Variants in ATP2B3 observed in about 807,000 individuals in gnomAD.
The protein encoded by ATP2B3 is ATPase plasma membrane Ca2+ transporting 3, also known as plasma membrane calcium-transporting ATPase 3.
ATP2B3 carries 12 observed loss-of-function variants against 70.8 expected under a neutral mutation model. The ratio of observed to expected loss-of-function variants is 0.17; its 90% CI spans 0.11 to 0.27. The LOEUF (loss-of-function observed/expected upper bound fraction) is 0.27. Ranked by LOEUF, ATP2B3 falls within the 10% of genes least tolerant of loss-of-function variation. The probability of loss-of-function intolerance (pLI) is 1.00; values close to 1 mark genes in which losing one functional copy is unlikely to be tolerated. For missense variants in ATP2B3, 858 were observed against 1,118.5 expected, an observed-to-expected ratio of 0.77 and a Z score of 3.32; for synonymous variants, 460 against 497.8, an observed-to-expected ratio of 0.92 and a Z score of 1.01.
chrX:153,546,222 G>T (rs781809294), intron 8 of ATP2B3, 93 bp downstream of exon 8: 4 of 1,044,698 alleles, frequency 3.8e-6, no homozygotes, highest in Non-Finnish European at 5.3e-6. Context: ...CACCTGCCTC[G>T]GTGGCAGGAG....
chrX:153,547,465 A>C (rs2090386098), intron 8 of ATP2B3, among the ~76,000 whole-genome samples: 1 of 111,143 alleles, frequency 9.0e-6, no homozygotes, highest in African/African-American at 3.3e-5. Context: ...CAGTAAGCAG[A>C]TGAGTCAGCT....
intron 16 of ATP2B3, 42 bp downstream of exon 16, chrX:153,557,065 G>T (rs782007490): frequency 1.8e-6 from 2 of 1,093,659 alleles, no homozygotes; most frequent in Non-Finnish European, 2.5e-6. Flanking sequence ...CGGCAGATGG[G>T]GCCTGCATCT....
At chrX:153,525,640 G>C (rs1159586394) in intron 2 of ATP2B3, among the ~76,000 whole-genome samples, 23 of 112,456 alleles carry the variant, frequency 2.0e-4, no homozygotes, top group Non-Finnish European at 1.9e-4. Flanking sequence ...GGCTCCTCTG[G>C]CTCCTGGGGT....
chrX:153,561,105 C>T lies in ATP2B3; in HGVS notation c.3051+218C>T, dbSNP rs553952705. 4.1e-4 allele frequency among the ~76,000 whole-genome samples: 46 copies of T among 112,264 alleles called. No individual in the cohort carries two copies. The South Asian group carries it at 0.015, about 36-fold the overall frequency. On this transcript the variant is annotated intron_variant, in intron 19 of 21. Transcript: ENST00000263519. ...TTGCCGGCCTTGCCCTGGGTGAGCGCGCTGGCTTCCAGAAGGGTTTCGTGA... is the reference window on the plus strand; with the variant it reads ...TTGCCGGCCTTGCCCTGGGTGAGCGTGCTGGCTTCCAGAAGGGTTTCGTGA...
At chrX:153,541,020 C>T (rs982788937) in intron 3 of ATP2B3, among the ~76,000 whole-genome samples, 1 of 112,486 alleles carries the variant, frequency 8.9e-6, no homozygotes, top group African/African-American at 3.2e-5. Flanking sequence ...GCCCCCTCAG[C>T]GGTAGTGTGG....
chrX:153,579,999 C>G lies in ATP2B3; in HGVS notation c.3364C>G (p.Arg1122Gly), dbSNP rs782589482. The G allele has an allele frequency of 4.1e-6, 5 of 1,207,510 alleles. No homozygotes were observed. The highest frequency in any genetic ancestry group is 5.6e-6 in the Non-Finnish European group (5 of 891,956). Reference protein sequence around the residue: ...QTQIRVVKAFRSSLYEGLEKP... With the variant: ...QTQIRVVKAFGSSLYEGLEKP... ...CCAGATCCGGGTGGTGAAAGCGTTC[C>G]GTAGCTCGCTCTATGAAGGCCTGGA... The change falls in exon 22 of 22, where the codon CGT becomes GGT. Residue 1122 changes from arginine (R) to glycine (G), a missense_variant. Arg to Gly is a moderately radical substitution (Grantham distance 125). This residue lies in a region of ATP2B3 where 265 missense variants were observed against 305.3 expected (regional missense o/e 0.87). Coordinates refer to ENST00000263519, the MANE Select transcript of ATP2B3 (RefSeq NM_001001344.3).
intron 13 of ATP2B3, among the ~76,000 whole-genome samples, chrX:153,555,170 G>A (rs781903997): frequency 8.1e-5 from 9 of 111,150 alleles, no homozygotes; most frequent in Non-Finnish European, 1.5e-4. Flanking sequence ...CCCTGTCACA[G>A]CTTAGAGTGG....
intron 21 of ATP2B3, chrX:153,569,639 G>A: frequency 8.3e-7 from 1 of 1,211,649 alleles, no homozygotes; most frequent in Non-Finnish European, 1.1e-6. Flanking sequence ...AAGCGGTTCA[G>A]TTCAGGGTGC....
At chrX:153,567,030 G>A (rs1045920714) in intron 21 of ATP2B3, among the ~76,000 whole-genome samples, 3 of 112,609 alleles carry the variant, frequency 2.7e-5, no homozygotes, top group Non-Finnish European at 5.6e-5. Context: ...CCTAGGCACC[G>A]AACACAGCGT....
At chrX:153,568,166 G>A (rs2090737955) in intron 21 of ATP2B3, among the ~76,000 whole-genome samples, 1 of 111,814 alleles carries the variant, frequency 8.9e-6, no homozygotes, top group Admixed American at 9.4e-5. Flanking sequence ...AGATGGACAG[G>A]GTGTCATTCC....
At chrX:153,539,928 A>C (rs916538875) in intron 3 of ATP2B3, among the ~76,000 whole-genome samples, 1 of 113,207 alleles carries the variant, frequency 8.8e-6, no homozygotes, top group Non-Finnish European at 1.9e-5. Context: ...GACAAGTGAC[A>C]GAATTGGATA....
chrX:153,533,146 G>A (rs1342262886), intron 2 of ATP2B3: 1 of 111,540 alleles, frequency 9.0e-6, no homozygotes, highest in Non-Finnish European at 1.9e-5. Flanking sequence ...GGCCACATGC[G>A]GGACTGACCA....
intron 2 of ATP2B3, among the ~76,000 whole-genome samples, chrX:153,531,742 C>T (rs887459161): frequency 8.0e-5 from 9 of 112,902 alleles, no homozygotes; most frequent in African/African-American, 2.6e-4. Flanking sequence ...GGAGCTGGGA[C>T]TTCCTGGCAG....
rs1557015358 is a variant in ATP2B3 at position 153,559,726 on chromosome X, T to C, written c.2626-3T>C. ...TGGAAAGGTGACTGCCTCCTCTCCA[T>C]AGGACTCTCCTCTCAAAGCCGTGCA... is the stretch of plus-strand genomic sequence containing the variant. On this transcript the variant is annotated splice_region_variant and splice_polypyrimidine_tract_variant and intron_variant, in intron 17 of 21. Transcript: ENST00000263519. 18 of 1,209,927 alleles carry C rather than the reference T, an allele frequency of 1.5e-5. No individual in the cohort carries two copies. Among genetic ancestry groups the C allele is most frequent in the Non-Finnish European group, 1.8e-5 (16 of 894,697 alleles).
Position 153,556,201 on chromosome X carries a change from C to T in ATP2B3, c.2211C>T (p.Asn737=), listed in dbSNP as rs151043177. 298 of 1,208,202 alleles carry T rather than the reference C, an allele frequency of 2.5e-4. No homozygotes were observed. The highest frequency in any genetic ancestry group is 3.0e-4 in the Non-Finnish European group (264 of 893,577). Residue 737 remains asparagine, a synonymous_variant, in exon 14 of 22, where the codon AAC becomes AAT. Transcript: ENST00000263519. ...DFLCLEGKEF[N]RRIRNEKGEI... ...TGTGCCTAGAAGGGAAGGAGTTCAACCGGCGGATCCGCAATGAGAAAGGCG... is the reference window on the plus strand; with the variant it reads ...TGTGCCTAGAAGGGAAGGAGTTCAATCGGCGGATCCGCAATGAGAAAGGCG...
rs187895525 is a variant in ATP2B3, at chrX:153,571,086, C to A, written c.3342+5983C>A. On this transcript the variant is annotated intron_variant, in intron 21 of 21. Coordinates refer to ENST00000263519, the MANE Select transcript of ATP2B3 (RefSeq NM_001001344.3). ...ACGTACACCTCCAGCTTGCTCCACA[C>A]TCATCATGGGGCCACCTACCCTTGT... Among the ~76,000 whole-genome samples the A allele has an allele frequency of 2.7e-5, 3 of 111,157 alleles. No homozygotes were observed. The East Asian group carries it at 8.5e-4, about 32-fold the overall frequency.
rs183348768 is a variant in ATP2B3 at position 153,538,110 on chromosome X, G to A, written c.208+1655G>A. ...TCAAGGTCCTCGGGCTGGAGCTGTC[G>A]GGCTTGAGCTGTCTGGGTGCCAGGA... On this transcript the variant is annotated intron_variant, in intron 3 of 21. Transcript: ENST00000263519. Among the ~76,000 whole-genome samples the A allele has an allele frequency of 5.2e-3, 589 of 112,939 alleles. 1 individual carries two copies. Among genetic ancestry groups the A allele is most frequent in the Non-Finnish European group, 8.6e-3 (457 of 53,267 alleles).
intron 21 of ATP2B3, among the ~76,000 whole-genome samples, chrX:153,578,896 C>T (rs1306904442): frequency 7.1e-5 from 8 of 112,395 alleles, no homozygotes; most frequent in Non-Finnish European, 9.4e-5. Context: ...CAGTCAGACA[C>T]GGGGGCTGTG....
chrX:153,532,023 CG>C (rs1253469629), intron 2 of ATP2B3, among the ~76,000 whole-genome samples: 4 of 111,819 alleles, frequency 3.6e-5, no homozygotes, highest in Non-Finnish European at 5.7e-5. Flanking sequence ...CCAGCAAGGG[CG>C]GCCATGACCC....
Sources: allele counts gnomAD v4.1 joint callset (sites outside exome capture counted in the v4.1 genomes callset), GRCh38; gene constraint gnomAD v4.1.1; regional missense constraint gnomAD v4.1.1; transcripts MANE v1.5; gene names NCBI Gene and HGNC (gene_info 2026-07-23, HGNC 2026-07-21).